Variants in GRM8 observed in about 807,000 individuals in gnomAD.
GRM8 encodes metabotropic glutamate receptor 8.
A neutral mutation model predicts 87.2 loss-of-function variants in GRM8; 47 were observed. That is an observed-to-expected ratio of 0.54 (90% CI 0.43 to 0.69). The LOEUF is 0.69. Among genes scored for constraint, GRM8 ranks in the 30% least tolerant of loss-of-function variants. The pLI is 0.00. For missense variants in GRM8, 1,019 were observed against 1,139.2 expected (o/e 0.89, Z 1.52); for synonymous variants, 396 against 404.5 (o/e 0.98, Z 0.25).
At chr7:126,439,806 C>T (rs1279811386) in intron 10 of GRM8, among the ~76,000 whole-genome samples, 1 of 123,720 alleles carries the variant, frequency 8.1e-6, no homozygotes, top group Non-Finnish European at 1.7e-5. Flanking sequence ...ATAATCCTGA[C>T]CCTGTGGAGG....
At chr7:127,005,878 G>A (rs1283323130) in intron 3 of GRM8, among the ~76,000 whole-genome samples, 2 of 151,738 alleles carry the variant, frequency 1.3e-5, no homozygotes, top group Admixed American at 6.6e-5. Flanking sequence ...TTTAAGAAAT[G>A]CCTTCATTTT....
At chr7:127,135,126 G>A (rs1445501500) in intron 2 of GRM8, among the ~76,000 whole-genome samples, 2 of 151,978 alleles carry the variant, frequency 1.3e-5, no homozygotes, top group East Asian at 1.9e-4. Context: ...GATTTGGGCT[G>A]AGTCAGGGTT....
intron 2 of GRM8, among the ~76,000 whole-genome samples, chr7:127,154,984 AC>A (rs1298951519): frequency 6.6e-6 from 1 of 152,168 alleles, no homozygotes; most frequent in Non-Finnish European, 1.5e-5. Flanking sequence ...AATTAAAGGC[AC>A]CCCTGAAAGC....
intron 3 of GRM8, among the ~76,000 whole-genome samples, chr7:126,951,295 AGAGCTGGAAAG>A (rs1808126506): frequency 6.6e-6 from 1 of 152,112 alleles, no homozygotes; most frequent in Non-Finnish European, 1.5e-5. Context: ...CAGGTGTCAA[AGAGCTGGAAAG>A]AAGACGGAAA....
intron 8 of GRM8, among the ~76,000 whole-genome samples, chr7:126,547,310 T>C (rs985352288): frequency 1.3e-5 from 2 of 152,142 alleles, no homozygotes; most frequent in Non-Finnish European, 2.9e-5. Flanking sequence ...GGGAAAATAG[T>C]CTTTTTCCCC....
In GRM8 at chr7:126,723,518, C is replaced by A. The variant is rs534815315; in HGVS notation, c.1357+46347G>T. Among the ~76,000 whole-genome samples, 4 of 151,190 alleles carry A rather than the reference C, an allele frequency of 2.6e-5. No individual in the cohort carries two copies. The South Asian group carries it at 8.4e-4, about 32-fold the overall frequency. On this transcript the variant is annotated intron_variant, in intron 7 of 10. Transcript: ENST00000339582. ...GAACATGACAGAATCAGAACAATGG[C>A]TCAAGAATTTGTAATTATTAATGCT...
chr7:126,595,371 GTATTT>G (rs146479444), intron 8 of GRM8, among the ~76,000 whole-genome samples: 25,737 of 133,408 alleles, frequency 0.19, 2,863 homozygotes, highest in African/African-American at 0.29. Flanking sequence ...GCTAATTCTG[GTATTT>G]TATTTTATTT....
chr7:127,001,626 T>G (rs1054212697), intron 3 of GRM8, among the ~76,000 whole-genome samples: 9 of 151,688 alleles, frequency 5.9e-5, no homozygotes, highest in Non-Finnish European at 1.3e-4. Context: ...AGTAAAATAT[T>G]GCCACTACTT....
chr7:126,653,804 T>C (rs923690024), intron 7 of GRM8, among the ~76,000 whole-genome samples: 10 of 152,244 alleles, frequency 6.6e-5, no homozygotes, highest in African/African-American at 1.7e-4. Flanking sequence ...GAGCAAACTA[T>C]ATTTCTATTT....
chr7:126,954,762 T>G (rs1563350888), intron 3 of GRM8, among the ~76,000 whole-genome samples: 1 of 152,208 alleles, frequency 6.6e-6, no homozygotes, highest in Non-Finnish European at 1.5e-5. Flanking sequence ...ACCTGGAATA[T>G]ACTATGTATT....
At chr7:127,040,620 A>T (rs1373997745) in intron 3 of GRM8, among the ~76,000 whole-genome samples, 1 of 149,620 alleles carries the variant, frequency 6.7e-6, no homozygotes, top group Non-Finnish European at 1.5e-5. Context: ...AAAAAAAAAG[A>T]GACTGGCTAC....
intron 6 of GRM8, among the ~76,000 whole-genome samples, chr7:126,815,586 A>C (rs2151749642): frequency 6.6e-6 from 1 of 152,260 alleles, no homozygotes. Context: ...CTTGCTGTAC[A>C]TGAATTAATA....
intron 3 of GRM8, among the ~76,000 whole-genome samples, chr7:126,939,404 A>G (rs1338761413): frequency 2.0e-5 from 3 of 152,198 alleles, no homozygotes; most frequent in Non-Finnish European, 4.4e-5. Flanking sequence ...GTCTCCACAT[A>G]TCTTTGAGAC....
chr7:127,215,319 C>A (rs551605061), intron 2 of GRM8: 168 of 152,362 alleles, frequency 1.1e-3, no homozygotes, highest in Non-Finnish European at 2.0e-3. Context: ...CCACCCCCAG[C>A]CAAGGCCAGA....
intron 8 of GRM8, among the ~76,000 whole-genome samples, chr7:126,580,224 AT>A (rs1296796129): frequency 6.6e-6 from 1 of 152,138 alleles, no homozygotes; most frequent in African/African-American, 2.4e-5. Flanking sequence ...TAGTTATCGG[AT>A]AAAAGCCATG....
intron 2 of GRM8, among the ~76,000 whole-genome samples, chr7:127,143,840 C>T (rs753324296): frequency 4.6e-5 from 7 of 152,110 alleles, no homozygotes; most frequent in African/African-American, 9.7e-5. Flanking sequence ...ACACTATAAA[C>T]CATTAAGTTT....
intron 7 of GRM8, among the ~76,000 whole-genome samples, chr7:126,661,019 T>C (rs1413505949): frequency 2.6e-5 from 4 of 152,134 alleles, no homozygotes; most frequent in East Asian, 3.9e-4. Context: ...GTAAGAGAGA[T>C]GGCATGGAGA....
At chr7:127,125,002 C>G (rs1441501675) in intron 2 of GRM8, among the ~76,000 whole-genome samples, 1 of 151,948 alleles carries the variant, frequency 6.6e-6, no homozygotes, top group Non-Finnish European at 1.5e-5. Context: ...CAGAAATACC[C>G]TCAACGTGAT....
At chr7:126,575,127 C>T (rs565752666) in intron 8 of GRM8, among the ~76,000 whole-genome samples, 7 of 152,222 alleles carry the variant, frequency 4.6e-5, no homozygotes, top group Admixed American at 3.9e-4. Context: ...CTGTTAGGAA[C>T]TGGGCTGCGT....
Sources: gnomAD v4.1 joint callset for allele counts (sites outside exome capture counted in the v4.1 genomes callset) on GRCh38, gnomAD v4.1.1 for gene constraint, MANE v1.5 for transcripts, NCBI Gene and HGNC (gene_info 2026-07-23, HGNC 2026-07-21) for gene names.